Variants in ERGIC1 observed in about 807,000 individuals in gnomAD.
The protein encoded by ERGIC1 is endoplasmic reticulum-Golgi intermediate compartment protein 1.
Under a neutral mutation model 38.3 loss-of-function variants are expected in ERGIC1, and 19 were observed. That is an observed-to-expected ratio of 0.50 (90% CI 0.35 to 0.73). The LOEUF is 0.73. ERGIC1 is among the 30% of genes least tolerant of loss of function. The probability of loss-of-function intolerance (pLI) is 0.01; values close to 1 mark genes in which losing one functional copy is unlikely to be tolerated. For missense variants in ERGIC1, 294 were observed against 389.2 expected, an observed-to-expected ratio of 0.76 and a Z score of 2.06; for synonymous variants, 124 against 157.6, an observed-to-expected ratio of 0.79 and a Z score of 1.60.
chr5:172,893,916 T>TATATATACATACACAC (rs1420718318), intron 2 of ERGIC1, among the ~76,000 whole-genome samples: 9 of 81,786 alleles, frequency 1.1e-4, no homozygotes, highest in African/African-American at 3.4e-4. Flanking sequence ...TGTGTGTGTG[T>TATATATACATACACAC]GTGTGTGTGT....
intron 1 of ERGIC1, among the ~76,000 whole-genome samples, chr5:172,858,395 C>T (rs1179190541): frequency 2.0e-5 from 3 of 152,168 alleles, no homozygotes; most frequent in Admixed American, 6.5e-5. Flanking sequence ...ACTCTTGATG[C>T]GAAGGGAAGA....
chr5:172,900,197 G>A (rs1013102704), intron 3 of ERGIC1, among the ~76,000 whole-genome samples: 2 of 152,162 alleles, frequency 1.3e-5, no homozygotes, highest in Non-Finnish European at 2.9e-5. Flanking sequence ...GGCCCCACCC[G>A]CAGAATGCCC....
rs191464312 is a variant in ERGIC1 at position 172,924,219 on chromosome 5, A to G, written c.480+110A>G. On this transcript the variant is annotated intron_variant, in intron 6 of 9. Coordinates refer to ENST00000393784, the MANE Select transcript of ERGIC1 (RefSeq NM_001031711.3). ...ACTAGGAAGAGTTACCGTTAAGGTG[A>G]CATCTAAGCCAAGCCTGGAAGGGTA... 4.2e-5 allele frequency: 44 copies of G among 1,042,158 alleles called. No individual in the cohort carries two copies. In the Admixed American group the frequency reaches 8.8e-4, roughly 21 times the overall value. 64.6% of individuals were successfully genotyped at this position (1,042,158 alleles called of 1,614,324 possible).
intron 5 of ERGIC1, chr5:172,920,414 G>A (rs766754521): frequency 8.4e-6 from 6 of 717,698 alleles, no homozygotes; most frequent in African/African-American, 3.5e-5. Context: ...GAGCAGCAGC[G>A]GCAGCCTCAC....
rs559332975 is a variant in ERGIC1, at chr5:172,913,241, T to C, written c.251-1473T>C. On this transcript the variant is annotated intron_variant, in intron 4 of 9. Coordinates refer to ENST00000393784, the MANE Select transcript of ERGIC1 (RefSeq NM_001031711.3). ...ATTCTTTGTACCTGCCGCACGGCACTGGGAAGAGGGCTGTTCCACTGGCTC... is the reference window on the plus strand; with the variant it reads ...ATTCTTTGTACCTGCCGCACGGCACCGGGAAGAGGGCTGTTCCACTGGCTC... 3.3e-5 allele frequency among the ~76,000 whole-genome samples: 5 copies of C among 152,378 alleles called. No homozygotes were observed. In the South Asian group the frequency reaches 1.0e-3, roughly 32 times the overall value.
intron 1 of ERGIC1, among the ~76,000 whole-genome samples, chr5:172,847,783 G>A (rs1459109373): frequency 1.3e-5 from 2 of 152,324 alleles, no homozygotes; most frequent in African/African-American, 2.4e-5. Flanking sequence ...AAAGTGCTGG[G>A]ATTACAGGCA....
rs35182806 is a variant in ERGIC1, at chr5:172,947,873, GTT to G, written c.766-2833_766-2832del. Among the ~76,000 whole-genome samples the G allele has an allele frequency of 1.1e-4, 12 of 109,606 alleles. No individual in the cohort carries two copies. In the South Asian group the frequency reaches 3.6e-3, roughly 33 times the overall value. 71.9% of individuals were successfully genotyped at this position (109,606 alleles called of 152,430 possible). On this transcript the variant is annotated intron_variant, in intron 9 of 9. Coordinates refer to ENST00000393784, the MANE Select transcript of ERGIC1 (RefSeq NM_001031711.3). ...ATTGTGTGTAGATGAATACAGATGT[GTT>G]TTGTGTGTGTGTGTGTGTGTGTGTG...
intron 1 of ERGIC1, among the ~76,000 whole-genome samples, chr5:172,883,202 TAC>T (rs1762327698): frequency 1.3e-5 from 2 of 152,234 alleles, no homozygotes; most frequent in African/African-American, 4.8e-5. Flanking sequence ...GCAAAAATAG[TAC>T]AGAGTTCCTG....
intron 5 of ERGIC1, 29 bp from the exon 6 acceptor site, chr5:172,923,976 A>C (rs1157225883): frequency 6.2e-7 from 1 of 1,610,154 alleles, no homozygotes; most frequent in South Asian, 1.1e-5. Flanking sequence ...AAGTCAACCA[A>C]ACTCCTGAAA....
intron 1 of ERGIC1, among the ~76,000 whole-genome samples, chr5:172,859,940 G>T (rs1321691973): frequency 1.3e-5 from 2 of 152,258 alleles, no homozygotes; most frequent in African/African-American, 4.8e-5. Flanking sequence ...CCTTTAAGCT[G>T]TGCTTTGCCT....
chr5:172,883,739 T>C (rs917794903), intron 1 of ERGIC1, among the ~76,000 whole-genome samples: 8 of 152,162 alleles, frequency 5.3e-5, no homozygotes, highest in African/African-American at 1.9e-4. Flanking sequence ...CCCAATACTT[T>C]GGGAGGCCGA....
intron 1 of ERGIC1, among the ~76,000 whole-genome samples, chr5:172,854,285 G>A (rs577220733): frequency 1.8e-3 from 272 of 152,280 alleles, no homozygotes; most frequent in African/African-American, 5.2e-3. Context: ...AGGAGGCTGA[G>A]GCGGGAGGAT....
intron 1 of ERGIC1, among the ~76,000 whole-genome samples, chr5:172,883,769 C>A (rs1252810724): frequency 6.6e-6 from 1 of 152,138 alleles, no homozygotes; most frequent in Non-Finnish European, 1.5e-5. Context: ...ATCGCTTGAG[C>A]CCTGTAGTTG....
chr5:172,941,742 A>G (rs1473334908), intron 9 of ERGIC1, among the ~76,000 whole-genome samples: 1 of 152,244 alleles, frequency 6.6e-6, no homozygotes. Context: ...TCACAGCTTC[A>G]CACAAACCAT....
At chr5:172,887,884 G>C (rs189150331) in intron 1 of ERGIC1, among the ~76,000 whole-genome samples, 1 of 152,316 alleles carries the variant, frequency 6.6e-6, no homozygotes, top group East Asian at 1.9e-4. Context: ...GGAGCTGGGG[G>C]GTGCAGCCGG....
chr5:172,884,703 A>G (rs1190204353), intron 1 of ERGIC1, among the ~76,000 whole-genome samples: 1 of 152,164 alleles, frequency 6.6e-6, no homozygotes, highest in Non-Finnish European at 1.5e-5. Context: ...CTTTAAGTAG[A>G]GAATAGTGAT....
At chr5:172,843,257 T>C (rs1288091747) in intron 1 of ERGIC1, among the ~76,000 whole-genome samples, 1 of 152,250 alleles carries the variant, frequency 6.6e-6, no homozygotes, top group Non-Finnish European at 1.5e-5. Context: ...AAATGTTTTC[T>C]TCCATTCTGT....
chr5:172,840,151 T>C, intron 1 of ERGIC1, among the ~76,000 whole-genome samples: 1 of 146,554 alleles, frequency 6.8e-6, no homozygotes, highest in South Asian at 2.2e-4. Context: ...GGCTCAGTTT[T>C]CCCACGCTGA....
intron 3 of ERGIC1, among the ~76,000 whole-genome samples, chr5:172,900,210 G>A (rs1004305834): frequency 1.3e-5 from 2 of 152,202 alleles, no homozygotes; most frequent in African/African-American, 2.4e-5. Flanking sequence ...GAATGCCCGG[G>A]AGCATTGGGG....
Sources: allele counts gnomAD v4.1 joint callset (sites outside exome capture counted in the v4.1 genomes callset), GRCh38; gene constraint gnomAD v4.1.1; transcripts MANE v1.5; gene names NCBI Gene and HGNC (gene_info 2026-07-23, HGNC 2026-07-21).